The following RBFOX1 variants were observed in gnomAD, a reference collection of about 807,000 sequenced individuals.
RBFOX1 encodes RNA binding fox-1 homolog 1.
In RBFOX1, 8 loss-of-function variants were observed where a neutral mutation model predicts 57.7. The ratio of observed to expected loss-of-function variants is 0.14; its 90% CI spans 0.08 to 0.25. The LOEUF (loss-of-function observed/expected upper bound fraction) is 0.25. Ranked by LOEUF, RBFOX1 falls within the 10% of genes least tolerant of loss-of-function variation. The pLI, the probability that RBFOX1 is intolerant of heterozygous loss-of-function variation, is 1.00. For missense variants in RBFOX1, 611 were observed against 548.5 expected (o/e 1.11, Z -1.14); for synonymous variants, 326 against 222.4 (o/e 1.47, Z -4.15).
chr16:6,851,894 G>C (rs759138834), intron 3 of RBFOX1, among the ~76,000 whole-genome samples: 1 of 150,962 alleles, frequency 6.6e-6, no homozygotes, highest in Non-Finnish European at 1.5e-5. Flanking sequence ...TTTTTGGGGG[G>C]TTGGAGAGTA....
chr16:5,382,878 C>G (rs976856014), intron 1 of RBFOX1, among the ~76,000 whole-genome samples: 2 of 152,136 alleles, frequency 1.3e-5, no homozygotes, highest in Non-Finnish European at 2.9e-5. Flanking sequence ...TAGGAAAATC[C>G]AAAGCTTAAG....
At chr16:6,537,566 G>C (rs2096752616) in intron 2 of RBFOX1, among the ~76,000 whole-genome samples, 1 of 152,208 alleles carries the variant, frequency 6.6e-6, no homozygotes, top group Non-Finnish European at 1.5e-5. Flanking sequence ...AACCCAGGCA[G>C]TATGATTTCA....
intron 4 of RBFOX1, among the ~76,000 whole-genome samples, chr16:7,488,635 T>A (rs545458190): frequency 6.6e-6 from 1 of 152,326 alleles, no homozygotes; most frequent in East Asian, 1.9e-4. Context: ...TATTTACCTA[T>A]CACTCTATTT....
At chr16:6,070,412 G>A (rs1043688178) in intron 1 of RBFOX1, among the ~76,000 whole-genome samples, 1 of 152,172 alleles carries the variant, frequency 6.6e-6, no homozygotes, top group African/African-American at 2.4e-5. Context: ...AAACACAGCT[G>A]AATGTAGTTC....
intron 9 of RBFOX1, among the ~76,000 whole-genome samples, chr16:7,606,671 A>G (rs1286942325): frequency 6.6e-6 from 1 of 152,248 alleles, no homozygotes; most frequent in Non-Finnish European, 1.5e-5. Context: ...TTAATCATAT[A>G]TACAGATTAT....
At chr16:6,276,300 T>C (rs1007708964) in intron 1 of RBFOX1, among the ~76,000 whole-genome samples, 3 of 152,172 alleles carry the variant, frequency 2.0e-5, no homozygotes, top group African/African-American at 7.2e-5. Flanking sequence ...CCTCCCAGCT[T>C]GGGGCACATG....
chr16:7,542,395 G>C (rs756886725), intron 5 of RBFOX1, among the ~76,000 whole-genome samples: 30 of 152,054 alleles, frequency 2.0e-4, no homozygotes, highest in Admixed American at 3.9e-4. Context: ...GGATTACCCG[G>C]GTCTGCAGGT....
intron 2 of RBFOX1, among the ~76,000 whole-genome samples, chr16:6,438,119 T>G (rs2094286818): frequency 6.6e-6 from 1 of 152,244 alleles, no homozygotes; most frequent in African/African-American, 2.4e-5. Flanking sequence ...CCTTGCTATT[T>G]ATGCTGTCCA....
intron 1 of RBFOX1, among the ~76,000 whole-genome samples, chr16:5,396,350 A>G (rs903231649): frequency 2.0e-5 from 3 of 152,142 alleles, no homozygotes; most frequent in African/African-American, 7.2e-5. Context: ...AATAGATGAA[A>G]GAAGGAGGGG....
chr16:6,708,323 A>G (rs1336630821), intron 3 of RBFOX1, among the ~76,000 whole-genome samples: 6 of 151,390 alleles, frequency 4.0e-5, no homozygotes, highest in Admixed American at 3.9e-4. Context: ...CATTCACAAA[A>G]ATCACTGTCT....
At chr16:6,818,836 C>T (rs1046328677) in intron 3 of RBFOX1, among the ~76,000 whole-genome samples, 5 of 152,258 alleles carry the variant, frequency 3.3e-5, no homozygotes, top group South Asian at 2.1e-4. Flanking sequence ...CTGGGCATAT[C>T]GCCCAACTCA....
chr16:5,517,090 G>A lies in RBFOX1; in HGVS notation c.258+49836G>A, dbSNP rs528116455. ...TGAAATGGCTCTTAGAAGACCTCCA[G>A]TGGTTGGAGGCCTATAGTAAGAAGC... On this transcript the variant is annotated intron_variant, in intron 2 of 2. Transcript: ENST00000585867. Among the ~76,000 whole-genome samples, 6 of 151,910 alleles carry A rather than the reference G, an allele frequency of 3.9e-5. No individual in the cohort carries two copies. The South Asian group carries it at 6.2e-4, about 16-fold the overall frequency.
At chr16:6,333,446 T>C (rs1049422323) in intron 2 of RBFOX1, among the ~76,000 whole-genome samples, 13 of 152,218 alleles carry the variant, frequency 8.5e-5, no homozygotes, top group Non-Finnish European at 1.6e-4. Context: ...TCTCCATTTC[T>C]TTTCTGCTTT....
chr16:7,257,488 C>T (rs2094738919), intron 4 of RBFOX1, among the ~76,000 whole-genome samples: 1 of 152,016 alleles, frequency 6.6e-6, no homozygotes, highest in Non-Finnish European at 1.5e-5. Flanking sequence ...TCAGCCATAC[C>T]CCCCGGGTTT....
intron 2 of RBFOX1, among the ~76,000 whole-genome samples, chr16:5,507,040 C>T (rs144559447): frequency 1.7e-3 from 261 of 152,246 alleles, no homozygotes; most frequent in African/African-American, 6.2e-3. Context: ...TGGAGCTTGG[C>T]TGCCTGGGTT....
intron 4 of RBFOX1, among the ~76,000 whole-genome samples, chr16:5,888,930 A>G (rs12325226): frequency 0.28 from 43,256 of 151,802 alleles, 6,356 homozygotes; most frequent in South Asian, 0.44. Context: ...ACCTTCCTAG[A>G]TACTGGGAAG....
At chr16:7,298,679 G>A (rs985700844) in intron 4 of RBFOX1, among the ~76,000 whole-genome samples, 1 of 152,294 alleles carries the variant, frequency 6.6e-6, no homozygotes, top group Middle Eastern at 3.4e-3. Flanking sequence ...AACGTATTTT[G>A]TATGTTACAT....
chr16:7,532,772 C>T (rs1459739588), intron 5 of RBFOX1, among the ~76,000 whole-genome samples: 1 of 152,206 alleles, frequency 6.6e-6, no homozygotes, highest in African/African-American at 2.4e-5. Flanking sequence ...CCTATGGCTG[C>T]TTTTGCATGA....
chr16:6,077,614 T>C (rs1013888713), intron 1 of RBFOX1, among the ~76,000 whole-genome samples: 28 of 152,284 alleles, frequency 1.8e-4, no homozygotes, highest in East Asian at 3.9e-4. Flanking sequence ...AACTACATGG[T>C]CTTCGGTAGG....
Sources: gnomAD v4.1 joint callset for allele counts (sites outside exome capture counted in the v4.1 genomes callset) on GRCh38, gnomAD v4.1.1 for gene constraint, MANE v1.5 for transcripts, NCBI Gene and HGNC (gene_info 2026-07-23, HGNC 2026-07-21) for gene names.